B4GALT6: variants seen among roughly 807,000 people sequenced by gnomAD.
The protein encoded by B4GALT6 is beta-1,4-galactosyltransferase 6, also known as UDP-Gal:beta-GlcNAc beta-1,4-galactosyltransferase 6.
In B4GALT6, 14 loss-of-function variants were observed where a neutral mutation model predicts 46.3. The observed-to-expected ratio is 0.30, with a 90% CI of 0.20 to 0.47. The LOEUF is 0.47. B4GALT6 is among the 20% of genes least tolerant of loss of function. The pLI is 0.99. For synonymous variants in B4GALT6, 168 were observed against 162.0 expected (o/e 1.04, Z -0.28); for missense variants, 386 against 480.1 (o/e 0.80, Z 1.83).
chr18:31,652,896 C>T (rs1022686414), intron 3 of B4GALT6, among the ~76,000 whole-genome samples: 6 of 152,214 alleles, frequency 3.9e-5, no homozygotes, highest in African/African-American at 7.2e-5. Context: ...CCATTCTCAC[C>T]CATTGTTCAG....
chr18:31,712,083 G>T, the B4GALT6 span, among the ~76,000 whole-genome samples: 1 of 152,040 alleles, frequency 6.6e-6, no homozygotes, highest in Non-Finnish European at 1.5e-5. Flanking sequence ...ATCCTAAGAG[G>T]ATTGTAGTCA....
At chr18:31,676,755 G>A (rs1455009399) in intron 1 of B4GALT6, among the ~76,000 whole-genome samples, 1 of 152,102 alleles carries the variant, frequency 6.6e-6, no homozygotes, top group Non-Finnish European at 1.5e-5. Context: ...CACCATTTGG[G>A]GTATTTTTCA....
the B4GALT6 span, among the ~76,000 whole-genome samples, chr18:31,709,589 GTGTGTGTGTGTGTGTATA>G: frequency 1.3e-4 from 18 of 135,422 alleles, no homozygotes; most frequent in African/African-American, 5.1e-4. Context: ...GTGTGTGTGT[GTGTGTGTGTGTGTGTATA>G]TATATATCCT....
At chr18:31,649,500 A>T (rs1395805544) in intron 3 of B4GALT6, among the ~76,000 whole-genome samples, 1 of 152,064 alleles carries the variant, frequency 6.6e-6, no homozygotes, top group Non-Finnish European at 1.5e-5. Context: ...TGCATACAAC[A>T]AAGTCCTAAT....
the B4GALT6 span, among the ~76,000 whole-genome samples, chr18:31,709,230 AT>A: frequency 7.5e-4 from 109 of 145,128 alleles, no homozygotes; most frequent in East Asian, 1.8e-3. Flanking sequence ...AAATTTATGT[AT>A]TTTTTTTTTA....
At chr18:31,722,247 T>C in the B4GALT6 span, among the ~76,000 whole-genome samples, 1 of 152,180 alleles carries the variant, frequency 6.6e-6, no homozygotes, top group African/African-American at 2.4e-5. Context: ...ATATGGATAC[T>C]ACCATTCATA....
chr18:31,623,936 A>T lies in B4GALT6; in HGVS notation c.*1678T>A, dbSNP rs2073651484. On this transcript the variant is annotated 3_prime_UTR_variant, in exon 9 of 9. Coordinates refer to ENST00000306851, the MANE Select transcript of B4GALT6 (RefSeq NM_004775.5). The stretch of plus-strand genomic sequence containing the variant: ...TTATCCAAACGTTTCTCATATATAG[A>T]TTTCTATTGCTCATCATTGTTGTTG... The T allele has an allele frequency of 6.6e-6, 1 of 152,034 alleles. No homozygotes were observed. Among genetic ancestry groups the T allele is most frequent in the Non-Finnish European group, 1.5e-5 (1 of 67,892 alleles). The allele number at this position is 152,034 out of a possible 1,614,324, so 9.4% of individuals were successfully genotyped here. A position where few individuals can be genotyped will look rare whatever the true frequency, so the allele number is the denominator to read the frequency against.
chr18:31,710,848 A>ACACACACACACT, the B4GALT6 span, among the ~76,000 whole-genome samples: 1 of 151,478 alleles, frequency 6.6e-6, no homozygotes, highest in African/African-American at 2.4e-5. Context: ...ACACACACAC[A>ACACACACACACT]CTATAATCCT....
At chr18:31,643,984 G>A (rs2073961030) in intron 4 of B4GALT6, among the ~76,000 whole-genome samples, 1 of 152,138 alleles carries the variant, frequency 6.6e-6, no homozygotes, top group Admixed American at 6.5e-5. Flanking sequence ...AATAATTTAT[G>A]TGCCCAGGCT....
chr18:31,711,447 C>G, the B4GALT6 span, among the ~76,000 whole-genome samples: 2 of 151,804 alleles, frequency 1.3e-5, no homozygotes, highest in Non-Finnish European at 2.9e-5. Flanking sequence ...CTCTTGCTGT[C>G]CCCCTCTTTG....
the B4GALT6 span, among the ~76,000 whole-genome samples, chr18:31,691,703 G>C: frequency 1.3e-5 from 2 of 152,044 alleles, no homozygotes; most frequent in East Asian, 3.9e-4. Flanking sequence ...TAGTTTCTAA[G>C]CTTTAATGGG....
the B4GALT6 span, among the ~76,000 whole-genome samples, chr18:31,698,447 T>C: frequency 6.6e-6 from 1 of 151,932 alleles, no homozygotes; most frequent in Non-Finnish European, 1.5e-5. Context: ...CTGGACAGCA[T>C]AGTGAAACCC....
chr18:31,629,657 G>A lies in B4GALT6; in HGVS notation c.776+1302C>T, dbSNP rs1410579828. Among the ~76,000 whole-genome samples the A allele has an allele frequency of 2.0e-5, 3 of 150,066 alleles. No homozygotes were observed. The East Asian group carries it at 5.9e-4, about 30-fold the overall frequency. ...AAGGTCAGGAGATCAAGACTATCTT[G>A]GCTAACACAGTGAAACCCCGTCTCT... is the stretch of plus-strand genomic sequence containing the variant. On this transcript the variant is annotated intron_variant, in intron 6 of 8. Coordinates refer to ENST00000306851, the MANE Select transcript of B4GALT6 (RefSeq NM_004775.5).
chr18:31,625,395 C>T lies in B4GALT6; in HGVS notation c.*219G>A, dbSNP rs1293113977. On this transcript the variant is annotated 3_prime_UTR_variant, in exon 9 of 9. Coordinates refer to ENST00000306851, the MANE Select transcript of B4GALT6 (RefSeq NM_004775.5). ...CTTCCGATCTTAAGTAGTGGCTTCC[C>T]GTTTCTGCGGTGCTCGCCACAGGGG... 1.1e-5 allele frequency: 5 copies of T among 438,182 alleles called. No individual in the cohort carries two copies. Among genetic ancestry groups the T allele is most frequent in the East Asian group, 7.5e-5 (2 of 26,734 alleles). The allele number at this position is 438,182 out of a possible 1,614,324, so 27.1% of individuals were successfully genotyped here.
chr18:31,680,854 C>T (rs1008215335), intron 1 of B4GALT6, among the ~76,000 whole-genome samples: 35 of 152,196 alleles, frequency 2.3e-4, no homozygotes, highest in African/African-American at 8.2e-4. Context: ...TGTGCCACTC[C>T]AAGCCCTAAG....
the B4GALT6 span, among the ~76,000 whole-genome samples, chr18:31,711,588 T>C: frequency 1.8e-4 from 27 of 152,332 alleles, no homozygotes; most frequent in Middle Eastern, 6.8e-3. Flanking sequence ...TTACCAGAGG[T>C]TGCACAGAAA....
the B4GALT6 span, among the ~76,000 whole-genome samples, chr18:31,701,870 T>C: frequency 6.6e-6 from 1 of 152,136 alleles, no homozygotes; most frequent in Non-Finnish European, 1.5e-5. Context: ...ATTTCCTTAA[T>C]ATTTAAAAAA....
In B4GALT6 at chr18:31,626,398, T is replaced by C. The variant is rs2073697885; in HGVS notation, c.900-14A>G. 3 of 1,352,148 alleles carry C rather than the reference T, an allele frequency of 2.2e-6. No individual in the cohort carries two copies. Among genetic ancestry groups the C allele is most frequent in the South Asian group, 1.3e-5 (1 of 77,290 alleles). 83.8% of individuals were successfully genotyped at this position (1,352,148 alleles called of 1,614,324 possible). ...GCATAGTGAACTCTACAATGCCATATATGGAAATGAAAATATAGAGAAATA... is the reference window on the plus strand; with the variant it reads ...GCATAGTGAACTCTACAATGCCATACATGGAAATGAAAATATAGAGAAATA... On this transcript the variant is annotated splice_polypyrimidine_tract_variant and intron_variant, in intron 7 of 8. Coordinates refer to ENST00000306851, the MANE Select transcript of B4GALT6 (RefSeq NM_004775.5).
chr18:31,720,176 T>C, the B4GALT6 span, among the ~76,000 whole-genome samples: 1 of 152,252 alleles, frequency 6.6e-6, no homozygotes, highest in Admixed American at 6.5e-5. Flanking sequence ...AGAAGCAAGA[T>C]GGAGTTGCTT....
Sources: allele counts gnomAD v4.1 joint callset (sites outside exome capture counted in the v4.1 genomes callset), GRCh38; gene constraint gnomAD v4.1.1; transcripts MANE v1.5; gene names NCBI Gene and HGNC (gene_info 2026-07-23, HGNC 2026-07-21).